Variants in GLYR1 observed in about 807,000 individuals in gnomAD.
The protein encoded by GLYR1 is cytokine-like nuclear factor N-PAC.
In GLYR1, 21 loss-of-function variants were observed where a neutral mutation model predicts 72.7. That is an observed-to-expected ratio of 0.29 (90% CI 0.20 to 0.42). The LOEUF (loss-of-function observed/expected upper bound fraction) is 0.42. GLYR1 is among the 10% of genes least tolerant of loss of function. The pLI, the probability that GLYR1 is intolerant of heterozygous loss-of-function variation, is 1.00. For synonymous variants in GLYR1, 392 were observed against 270.2 expected, an observed-to-expected ratio of 1.45 and a Z score of -4.42; for missense variants, 594 against 712.1, an observed-to-expected ratio of 0.83 and a Z score of 1.89.
At chr16:4,835,393 C>T (rs1181023257) in intron 3 of GLYR1, among the ~76,000 whole-genome samples, 1 of 152,186 alleles carries the variant, frequency 6.6e-6, no homozygotes, top group African/African-American at 2.4e-5. Flanking sequence ...CTAAAATTTT[C>T]CTCTTTACAA....
intron 5 of GLYR1, among the ~76,000 whole-genome samples, chr16:4,829,924 C>T (rs531312514): frequency 1.3e-5 from 2 of 152,202 alleles, no homozygotes; most frequent in South Asian, 4.1e-4. Context: ...CCACCTGCCT[C>T]GGCCTCCCAA....
At chr16:4,811,060 G>T in intron 15 of GLYR1, 110 bp downstream of exon 15, 1 of 1,338,060 alleles carries the variant, frequency 7.5e-7, no homozygotes, top group Admixed American at 2.5e-5. Flanking sequence ...AGCTGAGATC[G>T]CACCAGTGCA....
At chr16:4,838,832 C>T (rs1477623073) in intron 3 of GLYR1, among the ~76,000 whole-genome samples, 1 of 152,084 alleles carries the variant, frequency 6.6e-6, no homozygotes, top group East Asian at 1.9e-4. Flanking sequence ...CGTGATCCGC[C>T]TGACTTGCCC....
chr16:4,826,686 G>T lies in GLYR1; in HGVS notation c.538-2779C>A, dbSNP rs149436156. On this transcript the variant is annotated intron_variant, in intron 5 of 15. Transcript: ENST00000321919. ...AAGAATATTCTGCAATGATGGGCGTGTACTCCATCTGCACTGTGTGATAGA... is the reference window on the plus strand; with the variant it reads ...AAGAATATTCTGCAATGATGGGCGTTTACTCCATCTGCACTGTGTGATAGA... 5.9e-5 allele frequency among the ~76,000 whole-genome samples: 9 copies of T among 152,340 alleles called. No homozygotes were observed. The East Asian group carries it at 1.7e-3, about 29-fold the overall frequency.
At chr16:4,816,622 G>A (rs2083657047) in intron 10 of GLYR1, among the ~76,000 whole-genome samples, 1 of 152,076 alleles carries the variant, frequency 6.6e-6, no homozygotes, top group East Asian at 1.9e-4. Context: ...ATCTTCTTGT[G>A]TGATTTTTAT....
intron 3 of GLYR1, among the ~76,000 whole-genome samples, chr16:4,842,230 C>A (rs1320185952): frequency 6.7e-6 from 1 of 148,618 alleles, no homozygotes; most frequent in Non-Finnish European, 1.5e-5. Context: ...GGCGACAGAG[C>A]GAGACTCCGT....
At chr16:4,805,848 G>A (rs2082937428) in intron 15 of GLYR1, among the ~76,000 whole-genome samples, 1 of 152,044 alleles carries the variant, frequency 6.6e-6, no homozygotes, top group South Asian at 2.1e-4. Flanking sequence ...GGGCATGGTG[G>A]CAGGTGCCTG....
chr16:4,844,275 A>G (rs1286803438), intron 3 of GLYR1, among the ~76,000 whole-genome samples: 1 of 152,232 alleles, frequency 6.6e-6, no homozygotes, highest in Admixed American at 6.5e-5. Flanking sequence ...GTCTCAGATT[A>G]ATGGTCCTGG....
At chr16:4,822,451 C>T (rs569045993) in intron 7 of GLYR1, among the ~76,000 whole-genome samples, 102 of 151,944 alleles carry the variant, frequency 6.7e-4, no homozygotes, top group Admixed American at 1.8e-3. Flanking sequence ...AGTGCAGCGA[C>T]GCAATCTTGG....
chr16:4,829,622 G>C (rs553332334), intron 5 of GLYR1, among the ~76,000 whole-genome samples: 1 of 151,626 alleles, frequency 6.6e-6, no homozygotes, highest in Non-Finnish European at 1.5e-5. Flanking sequence ...GAGTAGGGGG[G>C]ACTACAGGCA....
At chr16:4,817,874 C>T (rs2083749587) in intron 9 of GLYR1, 177 bp from the exon 10 acceptor site, 1 of 595,530 alleles carries the variant, frequency 1.7e-6, no homozygotes, top group Non-Finnish European at 3.0e-6. Context: ...CATGGGTCTT[C>T]TCTTATGCCA....
At chr16:4,843,754 A>T (rs2085732499) in intron 3 of GLYR1, 3 of 679,846 alleles carry the variant, frequency 4.4e-6, no homozygotes, top group Non-Finnish European at 6.1e-6. Flanking sequence ...TTCAAATCTA[A>T]GGCTGTATTT....
At position 4,811,210 on chromosome 16, in the gene GLYR1, G is replaced by C. The variant is rs368680757; in HGVS notation, c.1547C>G (p.Ala516Gly). 6.2e-7 allele frequency: 1 copy of C among 1,613,954 alleles called. No individual in the cohort carries two copies. The highest frequency in any genetic ancestry group is 8.5e-7 in the Non-Finnish European group (1 of 1,179,964). The change falls in exon 15 of 16, where the codon GCG (alanine) becomes GGG (glycine). Residue 516 changes from alanine to glycine, a missense_variant. Transcript: ENST00000321919. ...DLRLAIALGD[A>G]VNHPTPMAAA... The stretch of plus-strand genomic sequence containing the variant: ...TGCCATGGGAGTCGGATGGTTGACC[G>C]CATCACCCAGCGCAATGGCTAAGCG...
At chr16:4,839,041 T>C (rs1321168380) in intron 3 of GLYR1, among the ~76,000 whole-genome samples, 1 of 152,126 alleles carries the variant, frequency 6.6e-6, no homozygotes, top group Non-Finnish European at 1.5e-5. Context: ...TACATGCTAC[T>C]ACGCATGAAC....
intron 9 of GLYR1, among the ~76,000 whole-genome samples, chr16:4,819,467 T>C (rs1319980502): frequency 2.0e-5 from 3 of 152,108 alleles, no homozygotes; most frequent in Non-Finnish European, 2.9e-5. Flanking sequence ...TGCCACCATG[T>C]CTGGCTAAGT....
At chr16:4,836,183 C>T (rs773142986) in intron 3 of GLYR1, among the ~76,000 whole-genome samples, 4 of 152,132 alleles carry the variant, frequency 2.6e-5, no homozygotes, top group Non-Finnish European at 4.4e-5. Context: ...GCACATCAGC[C>T]GGGCCTGGCA....
chr16:4,828,348 C>T, intron 5 of GLYR1, among the ~76,000 whole-genome samples: 1 of 152,034 alleles, frequency 6.6e-6, no homozygotes, highest in East Asian at 1.9e-4. Flanking sequence ...GGATTACAGG[C>T]GTGAGCCACC....
intron 3 of GLYR1, among the ~76,000 whole-genome samples, chr16:4,837,600 T>C (rs964844323): frequency 6.6e-6 from 1 of 151,596 alleles, no homozygotes; most frequent in African/African-American, 2.4e-5. Flanking sequence ...GGGGAGAAGA[T>C]GGCAGGGGGA....
At chr16:4,824,900 A>T (rs1275801112) in intron 5 of GLYR1, among the ~76,000 whole-genome samples, 6 of 152,104 alleles carry the variant, frequency 3.9e-5, no homozygotes, top group Non-Finnish European at 5.9e-5. Flanking sequence ...AGGTTTTCTC[A>T]GTCTTAGAAA....
Sources: allele counts gnomAD v4.1 joint callset (sites outside exome capture counted in the v4.1 genomes callset), GRCh38; gene constraint gnomAD v4.1.1; transcripts MANE v1.5; gene names NCBI Gene and HGNC (gene_info 2026-07-23, HGNC 2026-07-21).